Variants in TMTC2 observed in about 807,000 individuals in gnomAD.
TMTC2 encodes transmembrane O-mannosyltransferase targeting cadherins 2, also known as protein O-mannosyl-transferase TMTC2.
A neutral mutation model predicts 82.4 loss-of-function variants in TMTC2; 43 were observed. The ratio of observed to expected loss-of-function variants is 0.52; its 90% CI spans 0.41 to 0.67. The LOEUF (loss-of-function observed/expected upper bound fraction) is 0.67. TMTC2 is among the 30% of genes least tolerant of loss of function. The pLI, the probability that TMTC2 is intolerant of heterozygous loss-of-function variation, is 0.00. For synonymous variants in TMTC2, 408 were observed against 381.9 expected, an observed-to-expected ratio of 1.07 and a Z score of -0.80; for missense variants, 919 against 1,012.4, an observed-to-expected ratio of 0.91 and a Z score of 1.25.
intron 1 of TMTC2, among the ~76,000 whole-genome samples, chr12:82,765,656 A>G (rs1370866378): frequency 2.6e-5 from 4 of 152,104 alleles, no homozygotes; most frequent in African/African-American, 9.7e-5. Context: ...CTTTGGCAAC[A>G]AGAGTGAAAC....
intron 1 of TMTC2, among the ~76,000 whole-genome samples, chr12:82,818,475 C>G (rs1026886981): frequency 6.6e-6 from 1 of 152,094 alleles, no homozygotes; most frequent in Non-Finnish European, 1.5e-5. Context: ...ACCACATGCC[C>G]TAGACCATGA....
intron 4 of TMTC2, among the ~76,000 whole-genome samples, chr12:82,937,620 C>T (rs1876386185): frequency 2.0e-5 from 3 of 151,006 alleles, no homozygotes; most frequent in South Asian, 2.1e-4. Context: ...AGGGCCCAGC[C>T]GGTAATTTTT....
At chr12:82,734,904 T>C (rs1039925046) in intron 1 of TMTC2, among the ~76,000 whole-genome samples, 1 of 152,164 alleles carries the variant, frequency 6.6e-6, no homozygotes, top group African/African-American at 2.4e-5. Context: ...GAAGGTCTCT[T>C]AAGAGAATTA....
intron 1 of TMTC2, among the ~76,000 whole-genome samples, chr12:82,823,893 AT>A (rs1225145231): frequency 0.043 from 5,850 of 136,228 alleles, 246 homozygotes; most frequent in African/African-American, 0.14. Context: ...CCATTATTCT[AT>A]TTTTTTTTTT....
intron 9 of TMTC2, among the ~76,000 whole-genome samples, chr12:83,046,657 G>C (rs1882148351): frequency 6.6e-6 from 1 of 152,126 alleles, no homozygotes; most frequent in African/African-American, 2.4e-5. Context: ...CTTGGGGCTT[G>C]TCTCTGTCTT....
chr12:82,885,049 A>T (rs1592600779), intron 2 of TMTC2, among the ~76,000 whole-genome samples: 1 of 148,674 alleles, frequency 6.7e-6, no homozygotes. Flanking sequence ...ACAAGCCACC[A>T]CACCTGGCTG....
chr12:83,073,411 TCTTTC>T (rs756244480), intron 11 of TMTC2, among the ~76,000 whole-genome samples: 1 of 152,206 alleles, frequency 6.6e-6, no homozygotes, highest in Non-Finnish European at 1.5e-5. Flanking sequence ...CACTTAAGAA[TCTTTC>T]CTTTGTCTTA....
At chr12:83,059,414 A>G (rs895140290) in intron 10 of TMTC2, among the ~76,000 whole-genome samples, 1 of 151,778 alleles carries the variant, frequency 6.6e-6, no homozygotes, top group Non-Finnish European at 1.5e-5. Context: ...CGTGGGTACA[A>G]CTGACGTATT....
intron 1 of TMTC2, among the ~76,000 whole-genome samples, chr12:82,839,390 A>G (rs1328010823): frequency 1.3e-5 from 2 of 152,116 alleles, no homozygotes; most frequent in Non-Finnish European, 2.9e-5. Context: ...AGGTGATCAG[A>G]TTTCTGATCC....
At chr12:82,935,078 T>A (rs1265373050) in intron 4 of TMTC2, among the ~76,000 whole-genome samples, 2 of 152,132 alleles carry the variant, frequency 1.3e-5, no homozygotes, top group African/African-American at 4.8e-5. Flanking sequence ...ATATAAGGTT[T>A]TAGTAACTGT....
At chr12:83,015,976 G>A (rs1362370701) in intron 8 of TMTC2, among the ~76,000 whole-genome samples, 6 of 152,150 alleles carry the variant, frequency 3.9e-5, no homozygotes, top group Non-Finnish European at 5.9e-5. Context: ...CACTCTAGAA[G>A]CGAAAGTGAA....
chr12:82,884,981 C>A (rs1465480738), intron 2 of TMTC2, among the ~76,000 whole-genome samples: 2 of 152,094 alleles, frequency 1.3e-5, no homozygotes, highest in African/African-American at 2.4e-5. Flanking sequence ...GCAGCCTCAA[C>A]CTCCCAGACT....
chr12:82,900,580 C>G (rs894465796), intron 3 of TMTC2, among the ~76,000 whole-genome samples: 3 of 131,392 alleles, frequency 2.3e-5, no homozygotes, highest in Admixed American at 8.2e-5. Context: ...TATACATATC[C>G]GGAATATAGA....
chr12:82,857,246 A>C lies in TMTC2; in HGVS notation c.320A>C (p.Lys107Thr). 6.2e-7 allele frequency: 1 copy of C among 1,614,174 alleles called. No individual in the cohort carries two copies. Among genetic ancestry groups the C allele is most frequent in the Non-Finnish European group, 8.5e-7 (1 of 1,180,024 alleles). The change falls in exon 2 of 12, where the codon AAG becomes ACG. Residue 107 changes from lysine (K) to threonine (T), a missense_variant. Physicochemically the swap from Lys to Thr is moderately conservative, Grantham distance 78. Transcript: ENST00000321196. ...AVTGLFTSFS[K>T]ILLGDGYWTF... ...ACTGGTCTCTTCACAAGCTTCTCCAAGATCCTCCTTGGTGATGGATACTGG... is the reference window on the plus strand; with the variant it reads ...ACTGGTCTCTTCACAAGCTTCTCCACGATCCTCCTTGGTGATGGATACTGG...
intron 2 of TMTC2, among the ~76,000 whole-genome samples, chr12:82,871,154 A>T (rs991449875): frequency 1.3e-5 from 2 of 152,210 alleles, no homozygotes; most frequent in Non-Finnish European, 2.9e-5. Context: ...CTATGAAAGC[A>T]TTAACCTCAT....
intron 1 of TMTC2, among the ~76,000 whole-genome samples, chr12:82,697,025 G>C (rs943163269): frequency 2.0e-5 from 3 of 149,556 alleles, no homozygotes; most frequent in African/African-American, 7.4e-5. Flanking sequence ...TTCAACCTCT[G>C]TGGGAAACAC....
chr12:82,999,706 C>A (rs192070891), intron 8 of TMTC2, among the ~76,000 whole-genome samples: 1 of 152,152 alleles, frequency 6.6e-6, no homozygotes, highest in East Asian at 1.9e-4. Flanking sequence ...CCCACCATCA[C>A]GAGAACAGCA....
chr12:82,974,196 C>T (rs1878568363), intron 7 of TMTC2, among the ~76,000 whole-genome samples: 1 of 152,020 alleles, frequency 6.6e-6, no homozygotes, highest in Non-Finnish European at 1.5e-5. Context: ...TGGAGAGACT[C>T]CATCTCTACA....
intron 2 of TMTC2, among the ~76,000 whole-genome samples, chr12:82,858,861 A>T (rs1055986149): frequency 1.3e-5 from 2 of 152,204 alleles, no homozygotes; most frequent in African/African-American, 4.8e-5. Context: ...AATCAATTTT[A>T]ATTCTTTCAA....
Sources: allele counts gnomAD v4.1 joint callset (sites outside exome capture counted in the v4.1 genomes callset), GRCh38; gene constraint gnomAD v4.1.1; transcripts MANE v1.5; gene names NCBI Gene and HGNC (gene_info 2026-07-23, HGNC 2026-07-21).